The following FBXL20 variants were observed in gnomAD, a reference collection of about 807,000 sequenced individuals.
The protein encoded by FBXL20 is F-box and leucine rich repeat protein 20.
In FBXL20, 11 loss-of-function variants were observed where a neutral mutation model predicts 64.0. The ratio of observed to expected loss-of-function variants is 0.17; its 90% confidence interval spans 0.11 to 0.28. FBXL20 has a LOEUF of 0.28. Among genes scored for constraint, FBXL20 ranks in the 10% least tolerant of loss-of-function variants. The pLI is 1.00. For missense variants in FBXL20, 303 were observed against 526.2 expected (o/e 0.58, Z 4.15); for synonymous variants, 184 against 189.0 (o/e 0.97, Z 0.22).
chr17:39,340,481 T>G (rs2047571942), intron 2 of FBXL20, among the ~76,000 whole-genome samples: 1 of 152,044 alleles, frequency 6.6e-6, no homozygotes, highest in Non-Finnish European at 1.5e-5. Context: ...CCGCCTGCCT[T>G]GGCCTCCCAA....
At chr17:39,389,166 CCA>C (rs1025552825) in intron 1 of FBXL20, among the ~76,000 whole-genome samples, 3 of 150,814 alleles carry the variant, frequency 2.0e-5, no homozygotes, top group Non-Finnish European at 3.0e-5. Flanking sequence ...TTATATAACC[CCA>C]GTCAACTGTG....
intron 1 of FBXL20, among the ~76,000 whole-genome samples, chr17:39,362,103 C>T (rs559461557): frequency 4.0e-5 from 6 of 150,952 alleles, no homozygotes; most frequent in Non-Finnish European, 5.9e-5. Context: ...CTGGCTAACA[C>T]GGTGAAACCT....
chr17:39,336,119 G>A (rs972279561), intron 2 of FBXL20, among the ~76,000 whole-genome samples: 1 of 152,026 alleles, frequency 6.6e-6, no homozygotes, highest in Non-Finnish European at 1.5e-5. Flanking sequence ...TGTCAGAGGG[G>A]GGAGGGGAGG....
intron 6 of FBXL20, among the ~76,000 whole-genome samples, chr17:39,290,885 A>G (rs1486167774): frequency 6.6e-6 from 1 of 151,950 alleles, no homozygotes; most frequent in Non-Finnish European, 1.5e-5. Context: ...TTCTTGACTA[A>G]TCTAGACAGA....
chr17:39,275,794 T>G (rs1281838095), intron 9 of FBXL20, among the ~76,000 whole-genome samples: 1 of 152,078 alleles, frequency 6.6e-6, no homozygotes, highest in Non-Finnish European at 1.5e-5. Context: ...AAATTGACAC[T>G]GATAAGTTAG....
At chr17:39,319,165 C>T (rs2047325429) in intron 2 of FBXL20, among the ~76,000 whole-genome samples, 1 of 151,788 alleles carries the variant, frequency 6.6e-6, no homozygotes, top group African/African-American at 2.4e-5. Context: ...AGGAGAATCG[C>T]TTGAACCAGG....
chr17:39,281,277 T>C (rs2144387340), intron 9 of FBXL20, 112 bp downstream of exon 9: 2 of 892,794 alleles, frequency 2.2e-6, no homozygotes, highest in Middle Eastern at 2.2e-4. Flanking sequence ...GTCACTAGGG[T>C]TGTGGTAGAA....
intron 12 of FBXL20, among the ~76,000 whole-genome samples, chr17:39,268,145 A>G (rs1475150415): frequency 6.6e-6 from 1 of 152,100 alleles, no homozygotes; most frequent in Non-Finnish European, 1.5e-5. Context: ...TGAGGTCAGG[A>G]GTTCAAAACC....
intron 2 of FBXL20, among the ~76,000 whole-genome samples, chr17:39,319,029 T>C (rs1046403091): frequency 2.0e-5 from 3 of 151,868 alleles, no homozygotes; most frequent in African/African-American, 7.2e-5. Context: ...GGCAGGCAAA[T>C]CACGTGGTCA....
chr17:39,317,139 T>A (rs1052008454), intron 2 of FBXL20, among the ~76,000 whole-genome samples: 6 of 152,178 alleles, frequency 3.9e-5, no homozygotes, highest in African/African-American at 1.4e-4. Flanking sequence ...CAAACAGATT[T>A]TTGCTTAACG....
At chr17:39,401,808 C>G (rs961878576), upstream of FBXL20, 59 of 733,720 alleles carry the variant, frequency 8.0e-5, no homozygotes, top group Non-Finnish European at 9.2e-5. Flanking sequence ...GACGGCGCTC[C>G]CGGGAGCAGC....
In FBXL20 at chr17:39,401,462, G is replaced by A. The variant is rs532999078; in HGVS notation, c.-60C>T. Reference sequence around the variant, plus strand: ...GGCGAGCGGAGTGCACAGACCGGGGGCCCAGGACAGGCCCGGGAGTTCCGG... The same window carrying A: ...GGCGAGCGGAGTGCACAGACCGGGGACCCAGGACAGGCCCGGGAGTTCCGG... On this transcript the variant is annotated 5_prime_UTR_variant, in exon 1 of 15. Coordinates refer to ENST00000264658, the MANE Select transcript of FBXL20 (RefSeq NM_032875.3). The A allele has an allele frequency of 2.6e-6, 4 of 1,546,798 alleles. No homozygotes were observed. Among genetic ancestry groups the A allele is most frequent in the Middle Eastern group, 1.9e-4 (1 of 5,334 alleles).
intron 1 of FBXL20, among the ~76,000 whole-genome samples, chr17:39,366,831 C>T (rs2047864455): frequency 6.6e-6 from 1 of 151,104 alleles, no homozygotes; most frequent in Admixed American, 6.6e-5. Context: ...CCTCAGTTTA[C>T]CAAAATTTCA....
At chr17:39,300,936 G>A in intron 4 of FBXL20, 65 bp downstream of exon 4, 1 of 1,446,000 alleles carries the variant, frequency 6.9e-7, no homozygotes, top group Non-Finnish European at 9.7e-7. Flanking sequence ...ATATGGCTAG[G>A]GCTAATCTGT....
Position 39,301,073 on chromosome 17 carries a change from G to A in FBXL20, c.162C>T (p.Ala54=). ...TGCCATCCAGAGCCAGAACATTCCA[G>A]GCCTATTTTAAAGAAAAAGAGACAG... ...TLCRCAQVSR[A]WNVLALDGSN... The change falls in exon 4 of 15, where the codon GCC becomes GCT. Residue 54 remains alanine (A), a splice_region_variant and synonymous_variant. Transcript: ENST00000264658. The A allele has an allele frequency of 1.2e-6, 2 of 1,613,288 alleles. No homozygotes were observed. The highest frequency in any genetic ancestry group is 8.5e-7 in the Non-Finnish European group (1 of 1,179,820).
At chr17:39,333,378 C>T (rs1220411222) in intron 2 of FBXL20, among the ~76,000 whole-genome samples, 2 of 152,226 alleles carry the variant, frequency 1.3e-5, no homozygotes, top group African/African-American at 4.8e-5. Context: ...AGCTCCTGAC[C>T]GCGAGTGATC....
chr17:39,286,012 T>C (rs569346611), intron 6 of FBXL20, among the ~76,000 whole-genome samples: 135 of 152,280 alleles, frequency 8.9e-4, no homozygotes, highest in African/African-American at 2.8e-3. Flanking sequence ...ATAACACTAA[T>C]GTAGGAACTG....
chr17:39,311,841 A>G (rs2047237992), intron 2 of FBXL20, among the ~76,000 whole-genome samples: 1 of 152,146 alleles, frequency 6.6e-6, no homozygotes. Flanking sequence ...ACAAGCAATG[A>G]TCCTAATTAG....
chr17:39,292,846 A>G (rs1370660760), intron 6 of FBXL20, among the ~76,000 whole-genome samples: 2 of 148,906 alleles, frequency 1.3e-5, no homozygotes, highest in Non-Finnish European at 3.0e-5. Flanking sequence ...GCTGGAGTGC[A>G]ATGGCGTGAT....
Sources: gnomAD v4.1 joint callset for allele counts (sites outside exome capture counted in the v4.1 genomes callset) on GRCh38, gnomAD v4.1.1 for gene constraint, MANE v1.5 for transcripts, NCBI Gene and HGNC (gene_info 2026-07-23, HGNC 2026-07-21) for gene names.